GRM8: variants seen among roughly 807,000 people sequenced by gnomAD.
GRM8 encodes the protein metabotropic glutamate receptor 8.
A neutral mutation model predicts 87.2 loss-of-function variants in GRM8; 47 were observed. That is an observed-to-expected ratio of 0.54 (90% CI 0.43 to 0.69). The LOEUF (loss-of-function observed/expected upper bound fraction) is 0.69. GRM8 is among the 30% of genes least tolerant of loss of function. GRM8 has a pLI of 0.00. For synonymous variants in GRM8, 396 were observed against 404.5 expected (o/e 0.98, Z 0.25); for missense variants, 1,019 against 1,139.2 (o/e 0.89, Z 1.52).
chr7:126,449,914 C>A (rs1802430412), intron 9 of GRM8, among the ~76,000 whole-genome samples: 1 of 151,840 alleles, frequency 6.6e-6, no homozygotes, highest in Non-Finnish European at 1.5e-5. Flanking sequence ...CTATCACACG[C>A]ACTGATGGCT....
At chr7:126,962,924 C>A (rs1368388400) in intron 3 of GRM8, among the ~76,000 whole-genome samples, 2 of 152,174 alleles carry the variant, frequency 1.3e-5, no homozygotes, top group Admixed American at 1.3e-4. Flanking sequence ...CTGTAGTCAC[C>A]TCTCCACTAA....
chr7:127,236,706 A>C (rs1418188251), intron 2 of GRM8, among the ~76,000 whole-genome samples: 1 of 152,168 alleles, frequency 6.6e-6, no homozygotes, highest in East Asian at 1.9e-4. Flanking sequence ...CCTTTTTCTA[A>C]AGGAGTATAC....
chr7:126,762,483 C>T (rs1234134702), intron 7 of GRM8, among the ~76,000 whole-genome samples: 1 of 151,952 alleles, frequency 6.6e-6, no homozygotes, highest in African/African-American at 2.4e-5. Context: ...GAGAGTCATA[C>T]AGCATATTTG....
chr7:126,830,614 T>C (rs553624408), intron 6 of GRM8, among the ~76,000 whole-genome samples: 1 of 152,242 alleles, frequency 6.6e-6, no homozygotes, highest in Non-Finnish European at 1.5e-5. Flanking sequence ...CTTAATTTTT[T>C]TCAAAGTTTT....
intron 9 of GRM8, among the ~76,000 whole-genome samples, chr7:126,478,681 T>G (rs1424983380): frequency 6.6e-6 from 1 of 152,100 alleles, no homozygotes; most frequent in East Asian, 1.9e-4. Context: ...GAAATCTAGT[T>G]ATCATTCTCA....
intron 8 of GRM8, among the ~76,000 whole-genome samples, chr7:126,579,441 C>T (rs10246935): frequency 0.037 from 5,592 of 152,214 alleles, 267 homozygotes; most frequent in African/African-American, 0.11. Flanking sequence ...TAGGAACTTT[C>T]GATTCACATA....
chr7:126,962,107 C>T (rs1193588695), intron 3 of GRM8, among the ~76,000 whole-genome samples: 1 of 152,100 alleles, frequency 6.6e-6, no homozygotes, highest in Non-Finnish European at 1.5e-5. Flanking sequence ...TTCTATTATA[C>T]AAAACTAACT....
At chr7:126,627,684 A>G (rs1384079101) in intron 7 of GRM8, among the ~76,000 whole-genome samples, 1 of 152,036 alleles carries the variant, frequency 6.6e-6, no homozygotes, top group Non-Finnish European at 1.5e-5. Context: ...TAGGCCTTTT[A>G]TGTGCACTTT....
At chr7:126,525,932 ATTTAT>A (rs1320616165) in intron 9 of GRM8, among the ~76,000 whole-genome samples, 1 of 152,138 alleles carries the variant, frequency 6.6e-6, no homozygotes, top group African/African-American at 2.4e-5. Flanking sequence ...TCTGTTTCGA[ATTTAT>A]TTTAGATAGC....
intron 6 of GRM8, among the ~76,000 whole-genome samples, chr7:126,778,947 G>C (rs1585897177): frequency 6.6e-6 from 1 of 152,074 alleles, no homozygotes; most frequent in Non-Finnish European, 1.5e-5. Flanking sequence ...CCAGCTTAAT[G>C]ACCATTTGTA....
At chr7:126,605,015 T>TA (rs947986042) in intron 8 of GRM8, among the ~76,000 whole-genome samples, 39 of 152,236 alleles carry the variant, frequency 2.6e-4, no homozygotes, top group African/African-American at 8.9e-4. Flanking sequence ...TTGAAACCAA[T>TA]AAAAACATAT....
intron 7 of GRM8, among the ~76,000 whole-genome samples, chr7:126,622,184 G>A (rs369232797): frequency 3.3e-5 from 5 of 152,204 alleles, no homozygotes; most frequent in African/African-American, 9.6e-5. Context: ...GCATGACTCC[G>A]AGAGGGAATC....
chr7:126,859,738 C>A (rs944145805), intron 6 of GRM8, among the ~76,000 whole-genome samples: 1 of 152,162 alleles, frequency 6.6e-6, no homozygotes, highest in Non-Finnish European at 1.5e-5. Context: ...ATTATGCATC[C>A]TGAAGATCCT....
At chr7:126,671,281 A>G (rs1273812814) in intron 7 of GRM8, among the ~76,000 whole-genome samples, 1 of 152,220 alleles carries the variant, frequency 6.6e-6, no homozygotes, top group African/African-American at 2.4e-5. Flanking sequence ...ATACAAACCC[A>G]TGGCTGGGCT....
At chr7:127,011,661 T>A (rs1814911475) in intron 3 of GRM8, among the ~76,000 whole-genome samples, 1 of 152,212 alleles carries the variant, frequency 6.6e-6, no homozygotes, top group Admixed American at 6.5e-5. Flanking sequence ...TTTTCATTTC[T>A]GATTCACTGA....
intron 6 of GRM8, among the ~76,000 whole-genome samples, chr7:126,855,054 T>C (rs193090881): frequency 1.1e-4 from 17 of 152,326 alleles, no homozygotes; most frequent in Admixed American, 9.8e-4. Flanking sequence ...CAGTATAATG[T>C]TGGCTGTGGG....
chr7:126,712,492 A>C lies in GRM8; in HGVS notation c.1357+57373T>G, dbSNP rs140337717. ...GGAAAAACAGCACCCACCGACTTGA[A>C]ATAGAGTTCTCACAAAAATGCAATT... On this transcript the variant is annotated intron_variant, in intron 7 of 10. Coordinates refer to ENST00000339582, the MANE Select transcript of GRM8 (RefSeq NM_000845.3). Among the ~76,000 whole-genome samples the C allele has an allele frequency of 2.8e-3, 430 of 152,338 alleles. 7 individuals are homozygous for C. The highest frequency in any genetic ancestry group is 9.8e-3 in the African/African-American group (409 of 41,574).
chr7:127,136,852 A>C (rs999468810), intron 2 of GRM8, among the ~76,000 whole-genome samples: 10 of 151,928 alleles, frequency 6.6e-5, no homozygotes, highest in African/African-American at 2.4e-4. Flanking sequence ...CTAAGAGCTC[A>C]AGCTCTCTTT....
intron 3 of GRM8, among the ~76,000 whole-genome samples, chr7:126,929,813 G>GC (rs879340432): frequency 0.12 from 18,353 of 151,412 alleles, 1,864 homozygotes; most frequent in Non-Finnish European, 0.16. Context: ...TGAGTACAGA[G>GC]AAGAATTCTG....
Sources: gnomAD v4.1 joint callset for allele counts (sites outside exome capture counted in the v4.1 genomes callset) on GRCh38, gnomAD v4.1.1 for gene constraint, MANE v1.5 for transcripts, NCBI Gene and HGNC (gene_info 2026-07-23, HGNC 2026-07-21) for gene names.